Variants in CRYZ observed in about 807,000 individuals in gnomAD.
The protein encoded by CRYZ is zeta-crystallin.
In CRYZ, 35 loss-of-function variants were observed where a neutral mutation model predicts 34.1. The observed-to-expected ratio is 1.03, with a 90% CI of 0.78 to 1.36. The LOEUF is 1.36. Among genes scored for constraint, CRYZ ranks in the 40% most tolerant of loss-of-function variants. The probability of loss-of-function intolerance (pLI) is 0.00; values close to 1 mark genes in which losing one functional copy is unlikely to be tolerated. For synonymous variants in CRYZ, 137 were observed against 136.5 expected (o/e 1.00, Z -0.03); for missense variants, 403 against 391.8 (o/e 1.03, Z -0.24).
At chr1:74,732,223 TAGG>T (rs970054587) in intron 1 of CRYZ, among the ~76,000 whole-genome samples, 2 of 140,354 alleles carry the variant, frequency 1.4e-5, no homozygotes, top group Non-Finnish European at 3.1e-5. Flanking sequence ...GGGCCCTACC[TAGG>T]AGAAGAAATC....
chr1:74,714,446 G>C (rs1486710830), intron 5 of CRYZ, 133 bp downstream of exon 5: 1 of 757,844 alleles, frequency 1.3e-6, no homozygotes, highest in Non-Finnish European at 2.1e-6. Context: ...AAAATCAAAA[G>C]TTTTACTACA....
At chr1:74,726,661 C>T (rs1050263801) in intron 1 of CRYZ, among the ~76,000 whole-genome samples, 1 of 152,178 alleles carries the variant, frequency 6.6e-6, no homozygotes, top group Non-Finnish European at 1.5e-5. Flanking sequence ...CTGCGGCTGG[C>T]TTGAATTTCT....
chr1:74,716,496 C>G (rs1412410389), intron 4 of CRYZ, among the ~76,000 whole-genome samples: 2 of 152,022 alleles, frequency 1.3e-5, no homozygotes, highest in African/African-American at 4.8e-5. Context: ...AAATCCAGCT[C>G]CAATCAAGGA....
chr1:74,706,791 A>C, intron 8 of CRYZ, 108 bp downstream of exon 8: 1 of 886,842 alleles, frequency 1.1e-6, no homozygotes, highest in Non-Finnish European at 1.9e-6. Context: ...ACCAACTCCC[A>C]CTAGTCATAT....
At chr1:74,721,334 A>G (rs1057000619) in intron 3 of CRYZ, among the ~76,000 whole-genome samples, 6 of 152,198 alleles carry the variant, frequency 3.9e-5, no homozygotes, top group Non-Finnish European at 7.3e-5. Flanking sequence ...AAGGACAAAC[A>G]CTTCATTACT....
rs1328955018 is a variant in CRYZ, at chr1:74,732,995, T to G, written c.-53A>C. The G allele has an allele frequency of 5.9e-6, 3 of 511,012 alleles. No homozygotes were observed. The highest frequency in any genetic ancestry group is 3.9e-5 in the African/African-American group (2 of 51,114). The allele number at this position is 511,012 out of a possible 1,614,324, so 31.7% of individuals were successfully genotyped here. A position where few individuals can be genotyped will look rare whatever the true frequency, so the allele number is the denominator to read the frequency against. ...GGAATTAAAATCTGCGTGGGCTTCT[T>G]CAGATTCCACAGAAATGAGGACTGC... is the stretch of plus-strand genomic sequence containing the variant. On this transcript the variant is annotated 5_prime_UTR_variant, in exon 1 of 9. Coordinates refer to ENST00000340866, the MANE Select transcript of CRYZ (RefSeq NM_001889.4).
At chr1:74,708,855 A>G (rs1474071086) in intron 6 of CRYZ, 1 of 152,166 alleles carries the variant, frequency 6.6e-6, no homozygotes, top group Non-Finnish European at 1.5e-5. Context: ...AACCTAAGGA[A>G]TATTAATATT....
chr1:74,706,339 A>G lies in CRYZ; in HGVS notation c.947T>C (p.Ile316Thr), dbSNP rs769578534. Residue 316 changes from isoleucine to threonine, a missense_variant, in exon 9 of 9, where the codon ATT becomes ACT. Ile to Thr is a moderately conservative substitution (Grantham distance 89). Coordinates refer to ENST00000340866, the MANE Select transcript of CRYZ (RefSeq NM_001889.4). ...TTTTCCAGTAGCCCCACTACCATGA[A>G]TGATATTTTCATGAGCCTCGGCCAC... ...EKVAEAHENI[I>T]HGSGATGKMI... 45 of 1,612,036 alleles carry G rather than the reference A, an allele frequency of 2.8e-5. No homozygotes were observed. Among genetic ancestry groups the G allele is most frequent in the South Asian group, 2.3e-4 (21 of 90,666 alleles).
At chr1:74,709,968 TA>T in intron 6 of CRYZ, 129 bp downstream of exon 6, 1 of 700,054 alleles carries the variant, frequency 1.4e-6, no homozygotes, top group Non-Finnish European at 2.3e-6. Flanking sequence ...AAAACACGCA[TA>T]AAAATTCATC....
intron 3 of CRYZ, among the ~76,000 whole-genome samples, chr1:74,721,444 T>C (rs1557729970): frequency 6.6e-6 from 1 of 152,112 alleles, no homozygotes; most frequent in East Asian, 1.9e-4. Context: ...TAAGGAATTT[T>C]AAGAGTCTCC....
chr1:74,715,661 T>C (rs28535522), intron 4 of CRYZ, among the ~76,000 whole-genome samples: 53,711 of 152,074 alleles, frequency 0.35, 11,850 homozygotes, highest in Non-Finnish European at 0.5. Context: ...ATAGGATGAC[T>C]AGTGTTAAAC....
chr1:74,722,411 A>G (rs1647177845), intron 3 of CRYZ, among the ~76,000 whole-genome samples: 1 of 152,142 alleles, frequency 6.6e-6, no homozygotes, highest in Non-Finnish European at 1.5e-5. Flanking sequence ...TGGGGGCAGA[A>G]GCCAGGTTGC....
chr1:74,720,463 T>G, intron 3 of CRYZ, among the ~76,000 whole-genome samples: 1 of 152,118 alleles, frequency 6.6e-6, no homozygotes, highest in East Asian at 1.9e-4. Flanking sequence ...AGTATGTAAT[T>G]TGCACATTAG....
intron 3 of CRYZ, among the ~76,000 whole-genome samples, chr1:74,721,220 A>G (rs1400599493): frequency 6.6e-6 from 1 of 152,220 alleles, no homozygotes; most frequent in Non-Finnish European, 1.5e-5. Context: ...GCTAAAGTGT[A>G]AAATCCTTTG....
chr1:74,714,727 C>T, intron 4 of CRYZ, 97 bp from the exon 5 acceptor site: 1 of 1,211,502 alleles, frequency 8.3e-7, no homozygotes, highest in South Asian at 1.3e-5. Context: ...CCTAGTCTGG[C>T]TAACACTTAC....
Position 74,706,164 on chromosome 1 carries a change from A to G in CRYZ, c.*132T>C, listed in dbSNP as rs763520271. The G allele has an allele frequency of 2.4e-4, 184 of 782,310 alleles. No individual in the cohort carries two copies. The highest frequency in any genetic ancestry group is 6.7e-4 in the East Asian group (24 of 35,868). The allele number at this position is 782,310 out of a possible 1,614,324, so 48.5% of individuals were successfully genotyped here. On this transcript the variant is annotated 3_prime_UTR_variant, in exon 9 of 9. Coordinates refer to ENST00000340866, the MANE Select transcript of CRYZ (RefSeq NM_001889.4). ...TTTTACTCTTCTGCTTCTGCTCTCTAAAGAAAAATCTTATTTTTTCACATA... is the reference window on the plus strand; with the variant it reads ...TTTTACTCTTCTGCTTCTGCTCTCTGAAGAAAAATCTTATTTTTTCACATA...
At position 74,707,208 on chromosome 1, in the gene CRYZ, T is replaced by C. The variant is rs757988758; in HGVS notation, c.631-4A>G. On this transcript the variant is annotated splice_region_variant and splice_polypyrimidine_tract_variant and intron_variant, in intron 6 of 8. Coordinates refer to ENST00000340866, the MANE Select transcript of CRYZ (RefSeq NM_001889.4). ...TTCCTTTCTCACCAACATACTTCTA[T>C]ATAATAAAAGAGAAATGTAGAGTAA... 2.7e-6 allele frequency: 4 copies of C among 1,458,634 alleles called. No homozygotes were observed. In the South Asian group the frequency reaches 3.7e-5, roughly 13 times the overall value. 90.4% of individuals were successfully genotyped at this position (1,458,634 alleles called of 1,614,324 possible).
In CRYZ at chr1:74,706,280, A is replaced by G. The variant is rs1646926573; in HGVS notation, c.*16T>C. 7 of 1,584,314 alleles carry G rather than the reference A, an allele frequency of 4.4e-6. No individual in the cohort carries two copies. Among genetic ancestry groups the G allele is most frequent in the Non-Finnish European group, 6.0e-6 (7 of 1,166,742 alleles). Reference sequence around the variant, plus strand: ...GTACCTCTAATTACATAGGAAATCCATGAAAGAATTAATCATCATAAGAGA... The same window carrying G: ...GTACCTCTAATTACATAGGAAATCCGTGAAAGAATTAATCATCATAAGAGA... On this transcript the variant is annotated 3_prime_UTR_variant, in exon 9 of 9. Coordinates refer to ENST00000340866, the MANE Select transcript of CRYZ (RefSeq NM_001889.4).
chr1:74,706,902 G>A lies in CRYZ; in HGVS notation c.825C>T (p.Thr275=). The change falls in exon 8 of 9, where the codon ACC becomes ACT. Residue 275 remains threonine (T), a synonymous_variant. Transcript: ENST00000340866. ...TCAGAAGTACTTCTTTTCCTACCTT[G>A]GTTGAGGAAAAGAGAGTAACTCCAA... is the stretch of plus-strand genomic sequence containing the variant. ...SIIGVTLFSS[T]KEEFQQYAAA... is the part of the protein sequence containing the mutation. 1 of 1,609,636 alleles carries A rather than the reference G, an allele frequency of 6.2e-7. No homozygotes were observed. Among genetic ancestry groups the A allele is most frequent in the Non-Finnish European group, 8.5e-7 (1 of 1,176,654 alleles).
Sources: gnomAD v4.1 joint callset for allele counts (sites outside exome capture counted in the v4.1 genomes callset) on GRCh38, gnomAD v4.1.1 for gene constraint, MANE v1.5 for transcripts, NCBI Gene and HGNC (gene_info 2026-07-23, HGNC 2026-07-21) for gene names.